The following ELF1 variants were observed in gnomAD, a reference collection of about 807,000 sequenced individuals.
ELF1 encodes ETS-related transcription factor Elf-1.
A neutral mutation model predicts 59.9 loss-of-function variants in ELF1; 24 were observed. The ratio of observed to expected loss-of-function variants is 0.40; its 90% confidence interval spans 0.29 to 0.56. The LOEUF is 0.56. Ranked by LOEUF, ELF1 falls within the 20% of genes least tolerant of loss-of-function variation. The pLI, the probability that ELF1 is intolerant of heterozygous loss-of-function variation, is 0.44. For missense variants in ELF1, 627 were observed against 742.2 expected (o/e 0.84, Z 1.80); for synonymous variants, 248 against 266.2 (o/e 0.93, Z 0.67).
chr13:40,963,661 C>A (rs1488686528), intron 2 of ELF1, among the ~76,000 whole-genome samples: 1 of 152,202 alleles, frequency 6.6e-6, no homozygotes, highest in Non-Finnish European at 1.5e-5. Context: ...GTAATCCCAG[C>A]ACTTTGGGAG....
rs142658480 is a variant in ELF1, at chr13:40,950,461, C to T, written c.362-488G>A. On this transcript the variant is annotated intron_variant, in intron 4 of 8. Transcript: ENST00000239882. ...CCATGAAGCTTACACTTCAACCACA[C>T]CAAAACATCTTGATCTCAAAGATTT... 3.4e-3 allele frequency among the ~76,000 whole-genome samples: 510 copies of T among 152,134 alleles called. 1 individual carries two copies. Among genetic ancestry groups the T allele is most frequent in the South Asian group, 8.7e-3 (42 of 4,822 alleles).
intron 3 of ELF1, among the ~76,000 whole-genome samples, chr13:40,953,506 C>A (rs1190761012): frequency 1.3e-5 from 2 of 152,128 alleles, no homozygotes; most frequent in African/African-American, 4.8e-5. Flanking sequence ...AGACAAGTCA[C>A]CTATAAGTCC....
At chr13:41,006,482 A>C (rs1874766431) in intron 1 of ELF1, among the ~76,000 whole-genome samples, 1 of 152,190 alleles carries the variant, frequency 6.6e-6, no homozygotes. Flanking sequence ...GTCTCAGAGC[A>C]GCTGCAGAGA....
intron 1 of ELF1, among the ~76,000 whole-genome samples, chr13:40,989,015 C>T (rs9566646): frequency 0.2 from 29,684 of 152,132 alleles, 4,126 homozygotes; most frequent in African/African-American, 0.37. Context: ...CCAAGGTGGC[C>T]TCGAACTCCT....
intron 1 of ELF1, among the ~76,000 whole-genome samples, chr13:41,011,515 C>A (rs1226892869): frequency 3.3e-5 from 5 of 152,126 alleles, no homozygotes; most frequent in African/African-American, 1.2e-4. Flanking sequence ...ACGAACATGC[C>A]TCAGTGAAGC....
chr13:40,953,302 T>C (rs1278366327), intron 3 of ELF1, among the ~76,000 whole-genome samples: 1 of 152,174 alleles, frequency 6.6e-6, no homozygotes, highest in African/African-American at 2.4e-5. Flanking sequence ...TATCATCTAT[T>C]ATAGGCTGAA....
In ELF1 at chr13:40,992,809, G is replaced by A. The variant is rs1873933312; in HGVS notation, c.-228-10527C>T. ...GGGCTGGAGAGAACTATACATGTGA[G>A]GATTAGGAGCCAACAAATTTCTGTT... On this transcript the variant is annotated intron_variant, in intron 1 of 8. Coordinates refer to ENST00000239882, the MANE Select transcript of ELF1 (RefSeq NM_172373.4). 1.3e-5 allele frequency: 6 copies of A among 475,500 alleles called. No homozygotes were observed. In the Admixed American group the frequency reaches 2.1e-4, roughly 17 times the overall value. 29.5% of individuals were successfully genotyped at this position (475,500 alleles called of 1,614,324 possible).
intron 8 of ELF1, among the ~76,000 whole-genome samples, chr13:40,936,073 T>C (rs537319415): frequency 1.3e-5 from 2 of 152,284 alleles, no homozygotes; most frequent in Admixed American, 6.5e-5. Context: ...CCTTATAATA[T>C]GTATAACCTT....
intron 1 of ELF1, among the ~76,000 whole-genome samples, chr13:41,016,376 A>G (rs1172898084): frequency 6.6e-6 from 1 of 152,186 alleles, no homozygotes; most frequent in Non-Finnish European, 1.5e-5. Flanking sequence ...AAACACACCA[A>G]AAAGTTAACA....
At chr13:40,965,370 C>T (rs963659376) in intron 2 of ELF1, among the ~76,000 whole-genome samples, 4 of 152,108 alleles carry the variant, frequency 2.6e-5, no homozygotes, top group Admixed American at 6.6e-5. Flanking sequence ...ACCTGTAACC[C>T]CAGCACTTTG....
At chr13:40,956,197 C>T (rs1330672982) in intron 3 of ELF1, among the ~76,000 whole-genome samples, 8 of 151,442 alleles carry the variant, frequency 5.3e-5, no homozygotes, top group Non-Finnish European at 8.9e-5. Context: ...AAGAGGTAGA[C>T]GTGGGAGACT....
chr13:41,010,012 T>C (rs1874957553), intron 1 of ELF1, among the ~76,000 whole-genome samples: 1 of 150,760 alleles, frequency 6.6e-6, no homozygotes, highest in Admixed American at 6.6e-5. Context: ...TTACTTATTA[T>C]ATGCCCTTTA....
rs552157153 is a variant in ELF1 at position 40,961,802 on chromosome 13, C to G, written c.73-2786G>C. Among the ~76,000 whole-genome samples the G allele has an allele frequency of 1.2e-4, 18 of 152,306 alleles. No homozygotes were observed. In the South Asian group the frequency reaches 3.7e-3, roughly 32 times the overall value. On this transcript the variant is annotated intron_variant, in intron 2 of 8. Transcript: ENST00000239882. Reference sequence around the variant, plus strand: ...TAGTCCAGAATTAAGCACTTTTATGCTGCAAAAACCCATGTACAAGGTAGG... The same window carrying G: ...TAGTCCAGAATTAAGCACTTTTATGGTGCAAAAACCCATGTACAAGGTAGG...
chr13:40,976,020 T>C (rs942187586), intron 2 of ELF1, among the ~76,000 whole-genome samples: 5 of 152,182 alleles, frequency 3.3e-5, no homozygotes, highest in African/African-American at 4.8e-5. Context: ...ATAAGCAACA[T>C]AGAAATAACA....
chr13:40,974,304 C>A (rs981708194), intron 2 of ELF1, among the ~76,000 whole-genome samples: 4 of 152,016 alleles, frequency 2.6e-5, no homozygotes, highest in Non-Finnish European at 5.9e-5. Flanking sequence ...ATCATAAATG[C>A]AGGATATAAT....
At chr13:40,947,016 T>G (rs1210068629) in intron 5 of ELF1, among the ~76,000 whole-genome samples, 1 of 152,270 alleles carries the variant, frequency 6.6e-6, no homozygotes, top group East Asian at 1.9e-4. Flanking sequence ...TCATCCATTT[T>G]TGTTGAATGT....
rs1870156769 is a variant in ELF1 at position 40,941,278 on chromosome 13, T to C, written c.899A>G (p.Asn300Ser). 6.2e-7 allele frequency: 1 copy of C among 1,614,072 alleles called. No homozygotes were observed. The highest frequency in any genetic ancestry group is 1.7e-5 in the Admixed American group (1 of 60,002). The change falls in exon 8 of 9, where the codon AAT becomes AGT. Residue 300 changes from asparagine (N) to serine (S), a missense_variant. Coordinates refer to ENST00000239882, the MANE Select transcript of ELF1 (RefSeq NM_172373.4). The stretch of plus-strand genomic sequence containing the variant: ...TATGCTGGAACTTGGATCCTCATCA[T>C]TTATATATATAAGATCTTTTGGCAT... ...KEMPKDLIYI[N>S]DEDPSSSIES...
chr13:41,059,717 C>G (rs1250437495), intron 1 of ELF1, among the ~76,000 whole-genome samples: 1 of 152,172 alleles, frequency 6.6e-6, no homozygotes, highest in Admixed American at 6.5e-5. Flanking sequence ...TCACATGCTG[C>G]TGACACAGCT....
At chr13:41,025,392 G>A (rs938906449) in intron 1 of ELF1, among the ~76,000 whole-genome samples, 9 of 152,282 alleles carry the variant, frequency 5.9e-5, no homozygotes, top group Middle Eastern at 3.4e-3. Context: ...ACTGGTTATC[G>A]CAGAACTGAA....
Sources: allele counts gnomAD v4.1 joint callset (sites outside exome capture counted in the v4.1 genomes callset), GRCh38; gene constraint gnomAD v4.1.1; transcripts MANE v1.5; gene names NCBI Gene and HGNC (gene_info 2026-07-23, HGNC 2026-07-21).